Variants in P2RX1 observed in about 807,000 individuals in gnomAD.
The protein encoded by P2RX1 is P2X purinoceptor 1.
P2RX1 carries 42 observed loss-of-function variants against 50.3 expected under a neutral mutation model. The ratio of observed to expected loss-of-function variants is 0.83; its 90% confidence interval spans 0.65 to 1.08. The LOEUF (loss-of-function observed/expected upper bound fraction) is 1.08, where lower values mean the gene tolerates loss of function less well. Ranked by LOEUF, P2RX1 falls within the 50% of genes least tolerant of loss-of-function variation. P2RX1 has a pLI of 0.00. For missense variants in P2RX1, 449 were observed against 529.0 expected, an observed-to-expected ratio of 0.85 and a Z score of 1.48; for synonymous variants, 199 against 202.6, an observed-to-expected ratio of 0.98 and a Z score of 0.15.
At chr17:3,912,276 A>G (rs2056378609) in intron 1 of P2RX1, among the ~76,000 whole-genome samples, 1 of 151,884 alleles carries the variant, frequency 6.6e-6, no homozygotes. Context: ...CAGTTACATA[A>G]ACCACCGGAT....
chr17:3,906,250 G>C (rs1347210746), intron 1 of P2RX1, among the ~76,000 whole-genome samples: 1 of 152,140 alleles, frequency 6.6e-6, no homozygotes, highest in African/African-American at 2.4e-5. Context: ...TCCTGTCTCA[G>C]CCTCCTGAGT....
Position 3,903,818 on chromosome 17 carries a change from T to G in P2RX1, c.524+110A>C. Reference sequence around the variant, plus strand: ...GAATCTTCAGCCTAGGTTGCGCGGATGGGGTGAGGGTGGGGTCAGAAAAAG... The same window carrying G: ...GAATCTTCAGCCTAGGTTGCGCGGAGGGGGTGAGGGTGGGGTCAGAAAAAG... On this transcript the variant is annotated intron_variant, in intron 5 of 11. Transcript: ENST00000225538. The surrounding 1 kb of genome is among the most constrained non-coding windows in gnomAD (Gnocchi z 4.6). 1 of 1,126,918 alleles carries G rather than the reference T, an allele frequency of 8.9e-7. No individual in the cohort carries two copies. The highest frequency in any genetic ancestry group is 1.3e-6 in the Non-Finnish European group (1 of 747,504). The allele number at this position is 1,126,918 out of a possible 1,614,324, so 69.8% of individuals were successfully genotyped here.
chr17:3,901,360 C>G (rs751851674), intron 7 of P2RX1, among the ~76,000 whole-genome samples: 1 of 152,372 alleles, frequency 6.6e-6, no homozygotes, highest in South Asian at 2.1e-4. Flanking sequence ...AGCCACCGCA[C>G]CCAGCCCTGA....
At chr17:3,902,482 C>A (rs1597513388) in intron 7 of P2RX1, among the ~76,000 whole-genome samples, 1 of 151,252 alleles carries the variant, frequency 6.6e-6, no homozygotes, top group African/African-American at 2.4e-5. Flanking sequence ...TTTTAGTAGA[C>A]ACGGGGTTTC....
chr17:3,903,622 A>G lies in P2RX1; in HGVS notation c.534T>C (p.Leu178=), dbSNP rs1237504283. 1 of 1,614,030 alleles carries G rather than the reference A, an allele frequency of 6.2e-7. No individual in the cohort carries two copies. Among genetic ancestry groups the G allele is most frequent in the East Asian group, 2.2e-5 (1 of 44,852 alleles). The change falls in exon 6 of 12, where the codon CTT becomes CTC. Residue 178 remains leucine, a synonymous_variant. Coordinates refer to ENST00000225538, the MANE Select transcript of P2RX1 (RefSeq NM_002558.4). This position sits in a 1 kb window ranked among gnomAD's most constrained non-coding sequence, Gnocchi z 4.6. ...GAGTGAAGTTCTCGGCCTCTCGGAG[A>G]AGGGCAGGGCTGGAGGACACCACAC... ...EVDDDIPRPA[L]LREAENFTLF...
At chr17:3,910,464 C>T (rs1306928309) in intron 1 of P2RX1, among the ~76,000 whole-genome samples, 2 of 152,248 alleles carry the variant, frequency 1.3e-5, no homozygotes, top group African/African-American at 2.4e-5. Flanking sequence ...CCCCATCATG[C>T]CCCCACATTC....
intron 1 of P2RX1, among the ~76,000 whole-genome samples, chr17:3,908,681 GAC>G (rs1019342767): frequency 1.3e-5 from 2 of 152,208 alleles, no homozygotes; most frequent in African/African-American, 4.8e-5. Context: ...CCTGATGTCA[GAC>G]ACAGGCATCT....
At chr17:3,909,177 C>A (rs111704562) in intron 1 of P2RX1, among the ~76,000 whole-genome samples, 1 of 152,092 alleles carries the variant, frequency 6.6e-6, no homozygotes, top group Non-Finnish European at 1.5e-5. Context: ...ACTACGGGCG[C>A]GCCCCACCAC....
rs1181654963 is a variant in P2RX1, at chr17:3,897,154, A to G, written c.*660T>C. ...GGCCTGGGGAGTTTGCCATCCACAC[A>G]GATCATACGGCCAGCCCTGGAGCTT... On this transcript the variant is annotated 3_prime_UTR_variant, in exon 12 of 12. Coordinates refer to ENST00000225538, the MANE Select transcript of P2RX1 (RefSeq NM_002558.4). The G allele has an allele frequency of 1.3e-5, 2 of 156,078 alleles. No homozygotes were observed. The highest frequency in any genetic ancestry group is 6.1e-5 in the Admixed American group (1 of 16,278). 9.7% of individuals were successfully genotyped at this position (156,078 alleles called of 1,614,324 possible).
At chr17:3,899,335 C>G in intron 8 of P2RX1, among the ~76,000 whole-genome samples, 1 of 148,542 alleles carries the variant, frequency 6.7e-6, no homozygotes, top group East Asian at 2.0e-4. Context: ...CCCAAGATGC[C>G]TTGATTACAG....
Position 3,916,183 on chromosome 17 carries a change from C to T in P2RX1, c.43G>A (p.Glu15Lys), listed in dbSNP as rs370694405. 26 of 1,613,186 alleles carry T rather than the reference C, an allele frequency of 1.6e-5. No homozygotes were observed. The African/African-American group carries it at 2.9e-4, about 18-fold the overall frequency. ...FQEELAAFLF[E>K]YDTPRMVLVR... The stretch of plus-strand genomic sequence containing the variant: ...AGCACCATGCGGGGGGTGTCATACT[C>T]GAAGAGGAAGGCGGCCAGCTCCTCC... The change falls in exon 1 of 12, where the codon GAG becomes AAG. Residue 15 changes from glutamate (E) to lysine (K), a missense_variant. Coordinates refer to ENST00000225538, the MANE Select transcript of P2RX1 (RefSeq NM_002558.4).
intron 1 of P2RX1, among the ~76,000 whole-genome samples, chr17:3,912,353 C>T (rs546568759): frequency 1.6e-4 from 24 of 151,154 alleles, no homozygotes; most frequent in Non-Finnish European, 3.1e-4. Context: ...TTTTTTGAGA[C>T]GGAGTCTCAC....
At chr17:3,899,974 G>A (rs541739790) in intron 7 of P2RX1, among the ~76,000 whole-genome samples, 6 of 152,176 alleles carry the variant, frequency 3.9e-5, no homozygotes, top group East Asian at 3.9e-4. Context: ...GGTGGCGCAC[G>A]CCTGTAATAC....
At chr17:3,907,096 G>T (rs116855460) in intron 1 of P2RX1, among the ~76,000 whole-genome samples, 2,804 of 152,306 alleles carry the variant, frequency 0.018, 33 homozygotes, top group Non-Finnish European at 0.026. Flanking sequence ...CCTGGATTCA[G>T]CCATACCTGA....
intron 1 of P2RX1, 45 bp downstream of exon 1, chr17:3,916,044 C>A: frequency 6.2e-7 from 1 of 1,611,046 alleles, no homozygotes; most frequent in East Asian, 2.2e-5. Context: ...GAGGACAGGC[C>A]CGGGGTAGGG....
chr17:3,902,110 G>A (rs1193450453), intron 7 of P2RX1, among the ~76,000 whole-genome samples: 1 of 152,120 alleles, frequency 6.6e-6, no homozygotes, highest in Non-Finnish European at 1.5e-5. Flanking sequence ...TAGGATTCAA[G>A]CTGCCTTTTT....
At chr17:3,902,819 G>A (rs2056175585) in intron 7 of P2RX1, among the ~76,000 whole-genome samples, 1 of 151,732 alleles carries the variant, frequency 6.6e-6, no homozygotes, top group Non-Finnish European at 1.5e-5. Flanking sequence ...ATGTTGGCCA[G>A]ACTAGTCTCA....
In P2RX1 at chr17:3,903,054, G is replaced by T; in HGVS notation, c.747+148C>A. The T allele has an allele frequency of 9.5e-7, 1 of 1,047,366 alleles. No homozygotes were observed. The highest frequency in any genetic ancestry group is 1.4e-6 in the Non-Finnish European group (1 of 706,724). The allele number at this position is 1,047,366 out of a possible 1,614,324, so 64.9% of individuals were successfully genotyped here. On this transcript the variant is annotated intron_variant, in intron 7 of 11. Coordinates refer to ENST00000225538, the MANE Select transcript of P2RX1 (RefSeq NM_002558.4). The surrounding 1 kb of genome is among the most constrained non-coding windows in gnomAD (Gnocchi z 4.6). ...GACCTGCTGAAGACATGGATCTGACGCTCAGGGGGCCCCAGTATCAGGGGA... is the reference window on the plus strand; with the variant it reads ...GACCTGCTGAAGACATGGATCTGACTCTCAGGGGGCCCCAGTATCAGGGGA...
chr17:3,905,583 C>CT (rs2056247808), intron 1 of P2RX1, among the ~76,000 whole-genome samples: 1 of 152,172 alleles, frequency 6.6e-6, no homozygotes, highest in African/African-American at 2.4e-5. Flanking sequence ...TAATTCAGGA[C>CT]GGGCGTGCCA....
Sources: allele counts gnomAD v4.1 joint callset (sites outside exome capture counted in the v4.1 genomes callset), GRCh38; gene constraint gnomAD v4.1.1; non-coding constraint Gnocchi (gnomAD v3.1); transcripts MANE v1.5; gene names NCBI Gene and HGNC (gene_info 2026-07-23, HGNC 2026-07-21).